ANKAR: variants seen among roughly 807,000 people sequenced by gnomAD.
ANKAR encodes the protein ankyrin and armadillo repeat containing.
ANKAR carries 136 observed loss-of-function variants against 146.2 expected under a neutral mutation model. The observed-to-expected ratio is 0.93, with a 90% CI of 0.81 to 1.07. The LOEUF is 1.07. Ranked by LOEUF, ANKAR falls within the 50% of genes least tolerant of loss-of-function variation. The pLI is 0.00. For missense variants in ANKAR, 1,567 were observed against 1,679.9 expected, an observed-to-expected ratio of 0.93 and a Z score of 1.18; for synonymous variants, 500 against 575.8, an observed-to-expected ratio of 0.87 and a Z score of 1.88.
intron 20 of ANKAR, among the ~76,000 whole-genome samples, chr2:189,741,702 T>C (rs950004003): frequency 1.3e-5 from 2 of 152,168 alleles, no homozygotes; most frequent in African/African-American, 4.8e-5. Context: ...CCTATAAAAA[T>C]ATACATTTGT....
chr2:189,733,044 C>A, intron 16 of ANKAR, 63 bp from the exon 17 acceptor site: 2 of 1,471,240 alleles, frequency 1.4e-6, no homozygotes, highest in Admixed American at 2.1e-5. Context: ...AATGCCTGCA[C>A]AATGAAATGT....
rs2044193916 is a variant in ANKAR at position 189,746,546 on chromosome 2, TG to T, written c.4225del (p.Val1409TyrfsTer6). The T allele has an allele frequency of 4.3e-6, 7 of 1,613,782 alleles. No individual in the cohort carries two copies. The highest frequency in any genetic ancestry group is 1.3e-5 in the African/African-American group (1 of 75,006). On this transcript the variant is annotated frameshift_variant, in exon 23 of 23. Transcript: ENST00000684021. LOFTEE classifies it high-confidence loss of function. ...CTACAATTACATCAGATATCACAAA[TG>T]TATCAAGACCAAGAATAGTGTGTTT... ...SSTITSDITNVSRPRIVCLNQ... is the reference protein window; with the variant it reads ...SSTITSDITNXSRPRIVCLNQ...
intron 19 of ANKAR, among the ~76,000 whole-genome samples, chr2:189,740,422 C>T (rs1036198534): frequency 6.6e-6 from 1 of 152,154 alleles, no homozygotes; most frequent in Admixed American, 6.5e-5. Context: ...ATAAGGAGAA[C>T]AAAAACTCAC....
intron 2 of ANKAR, among the ~76,000 whole-genome samples, chr2:189,685,662 C>T (rs1374482488): frequency 3.3e-5 from 5 of 152,158 alleles, no homozygotes; most frequent in Non-Finnish European, 7.3e-5. Context: ...GCAGGAACCC[C>T]TGACATTCCA....
At chr2:189,761,778 A>G, downstream of ANKAR, 1 of 1,031,456 alleles carries the variant, frequency 9.7e-7, no homozygotes, top group African/African-American at 1.6e-5. Context: ...AAAGTTTGTA[A>G]AGGCTATAGC....
intron 7 of ANKAR, 149 bp downstream of exon 7, chr2:189,696,518 C>T (rs893658376): frequency 1.4e-6 from 1 of 708,008 alleles, no homozygotes. Flanking sequence ...AGAAAGGCTT[C>T]TTTTAGTTTT....
chr2:189,752,811 C>T, intron 18 of ANKAR: 1 of 1,613,306 alleles, frequency 6.2e-7, no homozygotes, highest in Non-Finnish European at 8.5e-7. Context: ...TTAATATTTA[C>T]ATAGTTATGA....
At chr2:189,692,980 G>T (rs1402526011) in intron 4 of ANKAR, 94 bp from the exon 5 acceptor site, 2 of 607,366 alleles carry the variant, frequency 3.3e-6, no homozygotes, top group African/African-American at 2.0e-5. Flanking sequence ...TTTAAAATTT[G>T]TCATTTACAT....
At chr2:189,750,551 T>A, downstream of ANKAR, 1 of 1,304,160 alleles carries the variant, frequency 7.7e-7, no homozygotes, top group East Asian at 2.4e-5. Flanking sequence ...TAATACTACC[T>A]TTAGGGACTT....
rs71938893 is a variant in ANKAR at position 189,736,499 on chromosome 2, G to GTTTTTTTTTTT, written c.3424-1180_3424-1179insTTTTTTTTTTT. ...TCTTTTTGCCTATTTAGGTGACTGG[G>GTTTTTTTTTTT]TTTTGTGTGTGTGTGTGTGTGTGTG... On this transcript the variant is annotated intron_variant, in intron 17 of 22. Transcript: ENST00000684021. Among the ~76,000 whole-genome samples the GTTTTTTTTTTT allele has an allele frequency of 7.0e-4, 80 of 113,710 alleles. 5 individuals are homozygous for GTTTTTTTTTTT. Among genetic ancestry groups the GTTTTTTTTTTT allele is most frequent in the African/African-American group, 2.1e-3 (70 of 32,580 alleles). 74.6% of individuals were successfully genotyped at this position (113,710 alleles called of 152,430 possible).
intron 10 of ANKAR, among the ~76,000 whole-genome samples, chr2:189,712,091 G>A (rs1184843216): frequency 6.6e-6 from 1 of 152,256 alleles, no homozygotes; most frequent in Non-Finnish European, 1.5e-5. Flanking sequence ...AAGCGGCCGG[G>A]AAGCTTGAAC....
chr2:189,693,210 T>A (rs762474023), intron 5 of ANKAR, 33 bp downstream of exon 5: 1 of 1,380,712 alleles, frequency 7.2e-7, no homozygotes, highest in Non-Finnish European at 1.0e-6. Context: ...TGACATTAAC[T>A]ACAATTTTTT....
At position 189,742,853 on chromosome 2, in the gene ANKAR, T is replaced by C. The variant is rs5027839; in HGVS notation, c.3811-422T>C. Reference sequence around the variant, plus strand: ...TACCTGACACACACACACACACACATTAGAATTACCTGACACACACACACA... The same window carrying C: ...TACCTGACACACACACACACACACACTAGAATTACCTGACACACACACACA... On this transcript the variant is annotated intron_variant, in intron 20 of 22. Coordinates refer to ENST00000684021, the MANE Select transcript of ANKAR (RefSeq NM_001378068.1). Among the ~76,000 whole-genome samples, 99 of 21,816 alleles carry C rather than the reference T, an allele frequency of 4.5e-3. 12 individuals are homozygous for C. The highest frequency in any genetic ancestry group is 0.05 in the Middle Eastern group (1 of 20). The allele number at this position is 21,816 out of a possible 152,430, so 14.3% of individuals were successfully genotyped here.
At chr2:189,755,063 C>T in intron 18 of ANKAR, 2 of 1,316,588 alleles carry the variant, frequency 1.5e-6, no homozygotes, top group East Asian at 2.4e-5. Flanking sequence ...TTTCAGTTTA[C>T]TAAGATAAAA....
intron 12 of ANKAR, 134 bp downstream of exon 12, chr2:189,720,921 T>A: frequency 1.6e-6 from 1 of 626,678 alleles, no homozygotes; most frequent in Non-Finnish European, 2.4e-6. Context: ...AATATAACCT[T>A]AATATCCAAA....
intron 19 of ANKAR, 144 bp from the exon 20 acceptor site, chr2:189,741,198 A>T: frequency 2.1e-6 from 1 of 466,748 alleles, no homozygotes; most frequent in Non-Finnish European, 3.8e-6. Flanking sequence ...CTATATTTAC[A>T]TATGCATGCT....
chr2:189,702,806 A>G (rs74494976), intron 7 of ANKAR, among the ~76,000 whole-genome samples: 2,850 of 152,322 alleles, frequency 0.019, 87 homozygotes, highest in African/African-American at 0.064. Flanking sequence ...AGATGTAATG[A>G]AAACAGTGGT....
intron 7 of ANKAR, among the ~76,000 whole-genome samples, chr2:189,702,889 G>C (rs1382522356): frequency 6.6e-6 from 1 of 152,146 alleles, no homozygotes; most frequent in Non-Finnish European, 1.5e-5. Context: ...GAATTGTTTG[G>C]GAGAAGGAAG....
chr2:189,733,368 C>A (rs982879813), intron 17 of ANKAR, 139 bp downstream of exon 17: 2 of 706,434 alleles, frequency 2.8e-6, no homozygotes, highest in Non-Finnish European at 4.2e-6. Flanking sequence ...CTTTGTAGGT[C>A]ATTAGTTTGT....
Sources: allele counts gnomAD v4.1 joint callset (sites outside exome capture counted in the v4.1 genomes callset), GRCh38; gene constraint gnomAD v4.1.1; transcripts MANE v1.5; gene names NCBI Gene and HGNC (gene_info 2026-07-23, HGNC 2026-07-21).